SRPK2: variants seen among roughly 807,000 people sequenced by gnomAD.
The protein encoded by SRPK2 is SFRS protein kinase 2.
A neutral mutation model predicts 90.8 loss-of-function variants in SRPK2; 21 were observed. The ratio of observed to expected loss-of-function variants is 0.23; its 90% CI spans 0.16 to 0.33. SRPK2 has a LOEUF of 0.33. Ranked by LOEUF, SRPK2 falls within the 10% of genes least tolerant of loss-of-function variation. SRPK2 has a pLI of 1.00. For missense variants in SRPK2, 620 were observed against 869.0 expected (o/e 0.71, Z 3.60); for synonymous variants, 288 against 311.1 (o/e 0.93, Z 0.78).
chr7:105,272,549 T>C (rs1166774781), intron 2 of SRPK2, among the ~76,000 whole-genome samples: 1 of 152,182 alleles, frequency 6.6e-6, no homozygotes, highest in African/African-American at 2.4e-5. Flanking sequence ...TCCTTCTAAC[T>C]CTGGGTACTT....
intron 2 of SRPK2, among the ~76,000 whole-genome samples, chr7:105,237,454 A>G (rs1800273023): frequency 6.6e-6 from 1 of 152,228 alleles, no homozygotes; most frequent in Non-Finnish European, 1.5e-5. Flanking sequence ...TAGTTCATCA[A>G]ACAAATTTTC....
chr7:105,207,128 AGGGCT>A (rs1796319674), intron 2 of SRPK2, among the ~76,000 whole-genome samples: 1 of 152,218 alleles, frequency 6.6e-6, no homozygotes, highest in Non-Finnish European at 1.5e-5. Context: ...ATACTGTCTT[AGGGCT>A]GGATTATTTT....
chr7:105,180,007 T>A (rs956565557), intron 3 of SRPK2, among the ~76,000 whole-genome samples: 3 of 152,062 alleles, frequency 2.0e-5, no homozygotes, highest in Non-Finnish European at 4.4e-5. Flanking sequence ...CTATACTGCC[T>A]GAAACAATTT....
At chr7:105,165,784 C>T (rs1585017101) in intron 6 of SRPK2, among the ~76,000 whole-genome samples, 1 of 152,168 alleles carries the variant, frequency 6.6e-6, no homozygotes, top group African/African-American at 2.4e-5. Context: ...TGCTTGGGTC[C>T]CCTTCCATGC....
At chr7:105,359,121 A>G (rs1162382546) in intron 2 of SRPK2, among the ~76,000 whole-genome samples, 1 of 143,258 alleles carries the variant, frequency 7.0e-6, no homozygotes, top group Non-Finnish European at 1.5e-5. Flanking sequence ...AGGCTTGGAG[A>G]GGTCAAACAA....
chr7:105,326,955 C>G (rs1177111673), intron 2 of SRPK2, among the ~76,000 whole-genome samples: 1 of 151,344 alleles, frequency 6.6e-6, no homozygotes, highest in Non-Finnish European at 1.5e-5. Flanking sequence ...CCCAGCTACT[C>G]AGGAGGCTGA....
intron 4 of SRPK2, 150 bp downstream of exon 4, chr7:105,169,007 G>A (rs1790463603): frequency 2.1e-6 from 1 of 476,624 alleles, no homozygotes; most frequent in Non-Finnish European, 3.7e-6. Flanking sequence ...AAGGCAGGGG[G>A]CAGGAAGGAA....
At chr7:105,220,343 A>G (rs1797945135) in intron 2 of SRPK2, among the ~76,000 whole-genome samples, 1 of 152,042 alleles carries the variant, frequency 6.6e-6, no homozygotes. Context: ...CCTGGCCAAC[A>G]TGGTAAAATC....
chr7:105,190,216 C>T (rs1422688349), intron 3 of SRPK2, among the ~76,000 whole-genome samples: 1 of 152,186 alleles, frequency 6.6e-6, no homozygotes, highest in East Asian at 1.9e-4. Context: ...AGGACAAGAG[C>T]CACTGACATC....
At chr7:105,329,562 C>G (rs1277511779) in intron 2 of SRPK2, among the ~76,000 whole-genome samples, 1 of 151,152 alleles carries the variant, frequency 6.6e-6, no homozygotes, top group East Asian at 1.9e-4. Context: ...CCACCGCACT[C>G]CAGCCTGGAC....
intron 2 of SRPK2, among the ~76,000 whole-genome samples, chr7:105,216,137 A>G (rs533463122): frequency 2.8e-4 from 42 of 152,246 alleles, no homozygotes; most frequent in Non-Finnish European, 4.7e-4. Flanking sequence ...CTGAAAAACC[A>G]CTGAATGGTA....
intron 3 of SRPK2, among the ~76,000 whole-genome samples, chr7:105,201,959 G>A (rs549663148): frequency 3.1e-4 from 47 of 152,288 alleles, no homozygotes; most frequent in Non-Finnish European, 5.6e-4. Flanking sequence ...CAGAAAAATC[G>A]AAGACAGTAT....
chr7:105,242,541 G>A (rs1800955752), intron 2 of SRPK2, among the ~76,000 whole-genome samples: 1 of 152,118 alleles, frequency 6.6e-6, no homozygotes, highest in South Asian at 2.1e-4. Flanking sequence ...AAAAGCAGCT[G>A]GAAATGTATA....
At chr7:105,278,734 A>AGGAAAGGG (rs1326421524) in intron 2 of SRPK2, among the ~76,000 whole-genome samples, 1 of 151,274 alleles carries the variant, frequency 6.6e-6, no homozygotes, top group East Asian at 1.9e-4. Context: ...AAGGGGGAAA[A>AGGAAAGGG]GGAAAGGGGA....
chr7:105,361,369 G>A (rs1818403491), intron 2 of SRPK2, among the ~76,000 whole-genome samples: 2 of 152,160 alleles, frequency 1.3e-5, no homozygotes, highest in Admixed American at 1.3e-4. Context: ...TGGATAGGAA[G>A]AATCAATATC....
At chr7:105,224,316 A>G (rs1357300930) in intron 2 of SRPK2, among the ~76,000 whole-genome samples, 2 of 152,196 alleles carry the variant, frequency 1.3e-5, no homozygotes, top group Non-Finnish European at 2.9e-5. Flanking sequence ...CCTTTACTCA[A>G]AAATAATTTT....
chr7:105,228,550 G>A (rs1350494799), intron 2 of SRPK2, among the ~76,000 whole-genome samples: 1 of 152,220 alleles, frequency 6.6e-6, no homozygotes, highest in Non-Finnish European at 1.5e-5. Context: ...GACGGGCGCA[G>A]TGGCTCACGC....
intron 2 of SRPK2, among the ~76,000 whole-genome samples, chr7:105,348,422 T>C (rs1432550980): frequency 1.3e-5 from 2 of 149,528 alleles, no homozygotes; most frequent in Non-Finnish European, 3.0e-5. Context: ...AACTTTTTTC[T>C]TTCTTTTTTT....
chr7:105,303,208 G>T (rs1309849173), intron 2 of SRPK2, among the ~76,000 whole-genome samples: 1 of 152,086 alleles, frequency 6.6e-6, no homozygotes, highest in South Asian at 2.1e-4. Context: ...GCAAACTATT[G>T]CAAGGACAGA....
Sources: allele counts gnomAD v4.1 joint callset (sites outside exome capture counted in the v4.1 genomes callset), GRCh38; gene constraint gnomAD v4.1.1; transcripts MANE v1.5; gene names NCBI Gene and HGNC (gene_info 2026-07-23, HGNC 2026-07-21).